The following PTPRG variants were observed in gnomAD, a reference collection of about 807,000 sequenced individuals.
The protein encoded by PTPRG is receptor-type tyrosine-protein phosphatase gamma.
Under a neutral mutation model 165.3 loss-of-function variants are expected in PTPRG, and 102 were observed. The observed-to-expected ratio is 0.62, with a 90% CI of 0.53 to 0.73. The LOEUF is 0.73. Among genes scored for constraint, PTPRG ranks in the 30% least tolerant of loss-of-function variants. The pLI is 0.00. For synonymous variants in PTPRG, 675 were observed against 669.5 expected (o/e 1.01, Z -0.13); for missense variants, 1,866 against 1,861.4 (o/e 1.00, Z -0.05).
chr3:61,913,152 C>T (rs1417273576), intron 2 of PTPRG, among the ~76,000 whole-genome samples: 3 of 152,172 alleles, frequency 2.0e-5, no homozygotes, highest in Non-Finnish European at 2.9e-5. Flanking sequence ...TTCTGTTGAA[C>T]CCATCACCCA....
intron 2 of PTPRG, among the ~76,000 whole-genome samples, chr3:61,776,142 G>T (rs980003606): frequency 2.0e-5 from 3 of 151,664 alleles, no homozygotes; most frequent in African/African-American, 7.3e-5. Context: ...TGGTCAGGTT[G>T]GTCTGACCCC....
intron 5 of PTPRG, 26 bp from the exon 6 acceptor site, chr3:62,132,576 A>G (rs762266838): frequency 6.4e-7 from 1 of 1,551,004 alleles, no homozygotes. Context: ...AATAGATTTA[A>G]CCAATCATGT....
At chr3:62,291,989 T>C (rs999571514) in intron 28 of PTPRG, among the ~76,000 whole-genome samples, 2 of 152,200 alleles carry the variant, frequency 1.3e-5, no homozygotes, top group African/African-American at 4.8e-5. Flanking sequence ...ATTTTTCATA[T>C]TCTGTAAGTT....
chr3:61,881,917 T>C (rs1057356035), intron 2 of PTPRG, among the ~76,000 whole-genome samples: 1 of 152,210 alleles, frequency 6.6e-6, no homozygotes, highest in Admixed American at 6.5e-5. Context: ...CCCCTGACAG[T>C]CCTGCCCAAC....
intron 6 of PTPRG, among the ~76,000 whole-genome samples, chr3:62,134,123 GA>G (rs1297171816): frequency 6.6e-6 from 1 of 152,036 alleles, no homozygotes; most frequent in Non-Finnish European, 1.5e-5. Context: ...TTCAACATAG[GA>G]ATTTGCTTAG....
chr3:61,966,780 A>G (rs1575831776), intron 2 of PTPRG, among the ~76,000 whole-genome samples: 1 of 152,226 alleles, frequency 6.6e-6, no homozygotes, highest in African/African-American at 2.4e-5. Flanking sequence ...CAGAGTGGGT[A>G]GAAGCGGATC....
chr3:61,801,331 GAC>G (rs1411132544), intron 2 of PTPRG, among the ~76,000 whole-genome samples: 2 of 147,420 alleles, frequency 1.4e-5, no homozygotes, highest in Admixed American at 6.8e-5. Flanking sequence ...TTTTTTTTGA[GAC>G]AGTCTTGCTC....
intron 2 of PTPRG, among the ~76,000 whole-genome samples, chr3:61,784,714 G>A (rs2034644345): frequency 6.6e-6 from 1 of 152,108 alleles, no homozygotes; most frequent in African/African-American, 2.4e-5. Context: ...ACATGTAGAA[G>A]CAAATATCGT....
rs57084314 is a variant in PTPRG, at chr3:62,190,183, A to T, written c.1034-1286A>T. Among the ~76,000 whole-genome samples, 1,637 of 152,244 alleles carry T rather than the reference A, an allele frequency of 0.011. 35 individuals carry two copies. Among genetic ancestry groups the T allele is most frequent in the African/African-American group, 0.038 (1,583 of 41,524 alleles). On this transcript the variant is annotated intron_variant, in intron 8 of 29. Transcript: ENST00000474889. This position sits in a 1 kb window ranked among gnomAD's most constrained non-coding sequence, Gnocchi z 5.2. ...GCCCCTGCAAGCAACCTTTGGCAAC[A>T]CCTGGAGACATTTTTGGTTGTCACA...
At chr3:61,780,007 C>T (rs2034499460) in intron 2 of PTPRG, among the ~76,000 whole-genome samples, 1 of 152,156 alleles carries the variant, frequency 6.6e-6, no homozygotes, top group Non-Finnish European at 1.5e-5. Flanking sequence ...GTATTGGTAC[C>T]TCAATCTTTG....
chr3:61,692,295 C>A (rs1439200360), intron 1 of PTPRG, among the ~76,000 whole-genome samples: 1 of 152,204 alleles, frequency 6.6e-6, no homozygotes, highest in Admixed American at 6.5e-5. Context: ...TACATCCTTG[C>A]ATTCAACTTT....
At chr3:62,033,120 G>A (rs555464237) in intron 4 of PTPRG, among the ~76,000 whole-genome samples, 1 of 152,108 alleles carries the variant, frequency 6.6e-6, no homozygotes, top group African/African-American at 2.4e-5. Flanking sequence ...GTTACATCTG[G>A]AAATACTCTT....
At chr3:61,719,575 G>A (rs1338375142) in intron 1 of PTPRG, among the ~76,000 whole-genome samples, 2 of 152,162 alleles carry the variant, frequency 1.3e-5, no homozygotes, top group African/African-American at 2.4e-5. Flanking sequence ...GGAGAAGGTG[G>A]AATAAACCTA....
intron 8 of PTPRG, among the ~76,000 whole-genome samples, chr3:62,188,790 GATAA>G (rs955686081): frequency 6.6e-6 from 1 of 152,100 alleles, no homozygotes; most frequent in African/African-American, 2.4e-5. Flanking sequence ...GAATGAGGAA[GATAA>G]ATAAGAACAT....
intron 1 of PTPRG, among the ~76,000 whole-genome samples, chr3:61,599,320 G>C (rs889055353): frequency 2.0e-5 from 3 of 151,774 alleles, no homozygotes; most frequent in Non-Finnish European, 4.4e-5. Flanking sequence ...GCTAATTTTT[G>C]TATGTTTAGT....
chr3:61,890,412 G>GTTTTTTTTT lies in PTPRG; in HGVS notation c.191-99211_191-99203dup, dbSNP rs1388100597. 3.7e-4 allele frequency among the ~76,000 whole-genome samples: 35 copies of GTTTTTTTTT among 95,414 alleles called. 2 individuals are homozygous for GTTTTTTTTT. Among genetic ancestry groups the GTTTTTTTTT allele is most frequent in the African/African-American group, 1.2e-3 (27 of 21,894 alleles). The allele number at this position is 95,414 out of a possible 152,430, so 62.6% of individuals were successfully genotyped here. On this transcript the variant is annotated intron_variant, in intron 2 of 29. Coordinates refer to ENST00000474889, the MANE Select transcript of PTPRG (RefSeq NM_002841.4). ...GTTTTGGGCGGGTTTCTTGTTCTTT[G>GTTTTTTTTT]TTTTTTTTTTGTTTTTTTTTTTTTT... is the stretch of plus-strand genomic sequence containing the variant.
chr3:62,095,163 G>A (rs755618610), intron 5 of PTPRG, among the ~76,000 whole-genome samples: 25 of 152,176 alleles, frequency 1.6e-4, no homozygotes, highest in Admixed American at 1.4e-3. Flanking sequence ...GGGTCATAAA[G>A]CGAAGAGAGA....
At chr3:61,661,505 T>G (rs1312553987) in intron 1 of PTPRG, among the ~76,000 whole-genome samples, 1 of 152,198 alleles carries the variant, frequency 6.6e-6, no homozygotes, top group African/African-American at 2.4e-5. Context: ...ACTGAATGTT[T>G]TTTAGAATTA....
chr3:62,207,595 ATTACT>A (rs1177304361), intron 12 of PTPRG, among the ~76,000 whole-genome samples: 1 of 152,224 alleles, frequency 6.6e-6, no homozygotes, highest in Non-Finnish European at 1.5e-5. Context: ...AGGAAAAACA[ATTACT>A]TTAATCAATA....
Sources: allele counts gnomAD v4.1 joint callset (sites outside exome capture counted in the v4.1 genomes callset), GRCh38; gene constraint gnomAD v4.1.1; non-coding constraint Gnocchi (gnomAD v3.1); transcripts MANE v1.5; gene names NCBI Gene and HGNC (gene_info 2026-07-23, HGNC 2026-07-21).